Variants in TNIP3 observed in about 807,000 individuals in gnomAD.
TNIP3 encodes TNFAIP3-interacting protein 3.
Under a neutral mutation model 54.1 loss-of-function variants are expected in TNIP3, and 34 were observed. That is an observed-to-expected ratio of 0.63 (90% CI 0.48 to 0.84). TNIP3 has a LOEUF of 0.84. Ranked by LOEUF, TNIP3 falls within the 40% of genes least tolerant of loss-of-function variation. TNIP3 has a pLI of 0.00. For synonymous variants in TNIP3, 134 were observed against 136.8 expected (o/e 0.98, Z 0.14); for missense variants, 366 against 387.6 (o/e 0.94, Z 0.47).
chr4:121,215,664 T>G (rs190327674), intron 2 of TNIP3, among the ~76,000 whole-genome samples: 1 of 152,258 alleles, frequency 6.6e-6, no homozygotes, highest in East Asian at 1.9e-4. Context: ...TTCGTGTATT[T>G]CTATCCCACT....
At chr4:121,158,839 T>A in intron 2 of TNIP3, 87 bp from the exon 3 acceptor site, 1 of 1,120,772 alleles carries the variant, frequency 8.9e-7, no homozygotes, top group Non-Finnish European at 1.3e-6. Context: ...CTGAGCTTAT[T>A]AAGGTTTTAG....
At chr4:121,213,425 T>C (rs1726586387) in intron 2 of TNIP3, among the ~76,000 whole-genome samples, 1 of 152,074 alleles carries the variant, frequency 6.6e-6, no homozygotes, top group Non-Finnish European at 1.5e-5. Flanking sequence ...ATCCATTTTT[T>C]TTAAAAAAAG....
intron 5 of TNIP3, among the ~76,000 whole-genome samples, chr4:121,150,827 C>T (rs1235966128): frequency 1.3e-5 from 2 of 152,236 alleles, no homozygotes; most frequent in Non-Finnish European, 2.9e-5. Flanking sequence ...CGTTGCTCTT[C>T]TGCCCTGGCC....
At chr4:121,213,579 T>C (rs540867829) in intron 2 of TNIP3, among the ~76,000 whole-genome samples, 118 of 151,922 alleles carry the variant, frequency 7.8e-4, no homozygotes, top group Non-Finnish European at 1.3e-3. Context: ...ACAAAAAAAT[T>C]AGCCGGGCGT....
chr4:121,217,955 C>T (rs1411500133), upstream of TNIP3, among the ~76,000 whole-genome samples: 1 of 152,054 alleles, frequency 6.6e-6, no homozygotes. Flanking sequence ...GTAGAGGAAA[C>T]AGAACTCCAG....
intron 2 of TNIP3, among the ~76,000 whole-genome samples, chr4:121,202,015 A>G (rs1411546044): frequency 1.3e-5 from 2 of 152,188 alleles, no homozygotes; most frequent in African/African-American, 4.8e-5. Context: ...TGCAATTCAA[A>G]TCAAAATACT....
intron 2 of TNIP3, among the ~76,000 whole-genome samples, chr4:121,184,149 A>C (rs1724873680): frequency 6.6e-6 from 1 of 152,002 alleles, no homozygotes; most frequent in African/African-American, 2.4e-5. Flanking sequence ...CTCTCTCTCT[A>C]CATATGTATA....
At position 121,132,591 on chromosome 4, in the gene TNIP3, TC is replaced by T; in HGVS notation, c.*39del. 2 of 1,601,400 alleles carry T rather than the reference TC, an allele frequency of 1.2e-6. No individual in the cohort carries two copies. Among genetic ancestry groups the T allele is most frequent in the Non-Finnish European group, 1.7e-6 (2 of 1,168,868 alleles). ...CAAAGAAGAGGGTCCTCAGCCACGC[TC>T]CCTCGTTGCCTGTTGTCTCTCTCTG... is the stretch of plus-strand genomic sequence containing the variant. On this transcript the variant is annotated 3_prime_UTR_variant, in exon 11 of 11. Transcript: ENST00000057513.
At chr4:121,219,282 CA>C (rs1726934926), upstream of TNIP3, among the ~76,000 whole-genome samples, 1 of 152,156 alleles carries the variant, frequency 6.6e-6, no homozygotes, top group Non-Finnish European at 1.5e-5. Flanking sequence ...AAGCTAAAAG[CA>C]AACACATGTC....
intron 3 of TNIP3, among the ~76,000 whole-genome samples, 178 bp downstream of exon 3, chr4:121,158,509 C>T (rs540735562): frequency 3.5e-4 from 54 of 152,222 alleles, no homozygotes; most frequent in Non-Finnish European, 1.6e-4. Flanking sequence ...TCACTGACAC[C>T]GTTCATTAAT....
intron 2 of TNIP3, among the ~76,000 whole-genome samples, chr4:121,213,464 C>T (rs1181570868): frequency 6.6e-6 from 1 of 152,048 alleles, no homozygotes; most frequent in African/African-American, 2.4e-5. Flanking sequence ...CGGTGGCTCA[C>T]GCCTGTAATC....
In TNIP3 at chr4:121,181,381, A is replaced by C. The variant is rs557011587; in HGVS notation, c.189+1295T>G. Among the ~76,000 whole-genome samples, 3 of 152,302 alleles carry C rather than the reference A, an allele frequency of 2.0e-5. No individual in the cohort carries two copies. The South Asian group carries it at 6.2e-4, about 32-fold the overall frequency. ...TGGAGGTGTATATGTGAGGGCTTCG[A>C]GTTGGGATGAGAAGAGCAGAAGAAA... On this transcript the variant is annotated intron_variant, in intron 3 of 12. Coordinates refer to the TNIP3 transcript ENST00000507879.
chr4:121,198,678 G>T (rs1725727640), intron 2 of TNIP3, among the ~76,000 whole-genome samples: 1 of 152,162 alleles, frequency 6.6e-6, no homozygotes, highest in South Asian at 2.1e-4. Context: ...AATAAACATG[G>T]CTTGAAAGAT....
At chr4:121,212,623 G>C (rs113747352) in intron 2 of TNIP3, among the ~76,000 whole-genome samples, 367 of 152,240 alleles carry the variant, frequency 2.4e-3, no homozygotes, top group African/African-American at 8.4e-3. Flanking sequence ...TGCTTGTTTA[G>C]TGAAAAGAAA....
chr4:121,165,284 C>T (rs1347463586), upstream of TNIP3, among the ~76,000 whole-genome samples: 1 of 151,972 alleles, frequency 6.6e-6, no homozygotes, highest in Admixed American at 6.6e-5. Context: ...CTCCCCTGTG[C>T]TCCAACCATC....
chr4:121,216,846 G>T (rs1454423079), upstream of TNIP3, among the ~76,000 whole-genome samples: 1 of 152,152 alleles, frequency 6.6e-6, no homozygotes, highest in Non-Finnish European at 1.5e-5. Flanking sequence ...TGACATGTTT[G>T]TAGTTTAATT....
chr4:121,214,385 T>C (rs1208444006), intron 2 of TNIP3, among the ~76,000 whole-genome samples: 2 of 152,238 alleles, frequency 1.3e-5, no homozygotes, highest in African/African-American at 2.4e-5. Context: ...TGTTAACTAC[T>C]AAATTCTACA....
intron 10 of TNIP3, among the ~76,000 whole-genome samples, 163 bp from the exon 11 acceptor site, chr4:121,132,825 G>A (rs1231211932): frequency 6.6e-6 from 1 of 152,058 alleles, no homozygotes; most frequent in East Asian, 1.9e-4. Flanking sequence ...CAAGAAGCGG[G>A]AGATGGAGGG....
chr4:121,150,095 CT>C lies in TNIP3; in HGVS notation c.609+7del. 2 of 1,595,766 alleles carry C rather than the reference CT, an allele frequency of 1.3e-6. No homozygotes were observed. The highest frequency in any genetic ancestry group is 1.7e-6 in the Non-Finnish European group (2 of 1,164,128). On this transcript the variant is annotated splice_region_variant and intron_variant, in intron 6 of 10. Coordinates refer to ENST00000057513, the MANE Select transcript of TNIP3 (RefSeq NM_024873.6). Reference sequence around the variant, plus strand: ...CTCCACAGGATCATGCCACTTCCAGCTTCTCACCTGCTGCTTCAGAACTTCC... The same window carrying C: ...CTCCACAGGATCATGCCACTTCCAGCTCTCACCTGCTGCTTCAGAACTTCC...
Sources: allele counts gnomAD v4.1 joint callset (sites outside exome capture counted in the v4.1 genomes callset), GRCh38; gene constraint gnomAD v4.1.1; transcripts MANE v1.5; gene names NCBI Gene and HGNC (gene_info 2026-07-23, HGNC 2026-07-21).